The following SEC61A2 variants were observed in gnomAD, a reference collection of about 807,000 sequenced individuals.
SEC61A2 encodes SEC61 translocon subunit alpha 2, also known as protein transport protein Sec61 subunit alpha isoform 2.
A neutral mutation model predicts 59.9 loss-of-function variants in SEC61A2; 28 were observed. The ratio of observed to expected loss-of-function variants is 0.47; its 90% CI spans 0.35 to 0.64. The LOEUF (loss-of-function observed/expected upper bound fraction) is 0.64, where lower values mean the gene tolerates loss of function less well. SEC61A2 is among the 30% of genes least tolerant of loss of function. SEC61A2 has a pLI of 0.01. For missense variants in SEC61A2, 340 were observed against 585.9 expected (o/e 0.58, Z 4.33); for synonymous variants, 202 against 214.4 (o/e 0.94, Z 0.50).
At chr10:12,151,468 T>G (rs1247597403) in intron 6 of SEC61A2, among the ~76,000 whole-genome samples, 5 of 149,012 alleles carry the variant, frequency 3.4e-5, no homozygotes, top group Admixed American at 6.6e-5. Context: ...CGCGCCACCA[T>G]GCCTACCTAA....
chr10:12,161,317 A>G lies in SEC61A2; in HGVS notation c.1167+196A>G, dbSNP rs570222212. Among the ~76,000 whole-genome samples the G allele has an allele frequency of 6.6e-6, 1 of 152,254 alleles. No homozygotes were observed. The highest frequency in any genetic ancestry group is 1.9e-4 in the East Asian group (1 of 5,176). Reference sequence around the variant, plus strand: ...AAAATCGGCCGGGCACGGTGGTGCAAGCCCGTGGTCCCAGCTACTTGGGAA... The same window carrying G: ...AAAATCGGCCGGGCACGGTGGTGCAGGCCCGTGGTCCCAGCTACTTGGGAA... On this transcript the variant is annotated intron_variant, in intron 10 of 11. Transcript: ENST00000298428. This position sits in a 1 kb window ranked among gnomAD's most constrained non-coding sequence, Gnocchi z 5.4.
In SEC61A2 at chr10:12,129,837, A is replaced by C. The variant is rs1833686164; in HGVS notation, c.7+43A>C. ...GAGCGGGGACTCTGGCTGGGAACGC[A>C]GGCCCCGCCTGGGCTGCGGGCGGTG... On this transcript the variant is annotated intron_variant, in intron 1 of 11. Transcript: ENST00000298428. The surrounding 1 kb of genome is among the most constrained non-coding windows in gnomAD (Gnocchi z 5.6). 7.4e-7 allele frequency: 1 copy of C among 1,356,554 alleles called. No homozygotes were observed. Among genetic ancestry groups the C allele is most frequent in the Admixed American group, 3.6e-5 (1 of 27,984 alleles). 84.0% of individuals were successfully genotyped at this position (1,356,554 alleles called of 1,614,324 possible). A position where few individuals can be genotyped will look rare whatever the true frequency, so the allele number is the denominator to read the frequency against.
At chr10:12,135,643 C>T (rs1833866731) in intron 2 of SEC61A2, among the ~76,000 whole-genome samples, 1 of 152,198 alleles carries the variant, frequency 6.6e-6, no homozygotes, top group Non-Finnish European at 1.5e-5. Context: ...GACTCCACTT[C>T]TGTCATTCCA....
rs527465051 is a variant in SEC61A2 at position 12,154,764 on chromosome 10, A to G, written c.463-1014A>G. Among the ~76,000 whole-genome samples, 2 of 152,262 alleles carry G rather than the reference A, an allele frequency of 1.3e-5. No individual in the cohort carries two copies. The highest frequency in any genetic ancestry group is 6.5e-5 in the Admixed American group (1 of 15,280). Reference sequence around the variant, plus strand: ...CACTGTGTAAGGTAAGCATGCCTAAAATGGTCTCATGTGGTTACTTTGGTC... The same window carrying G: ...CACTGTGTAAGGTAAGCATGCCTAAGATGGTCTCATGTGGTTACTTTGGTC... On this transcript the variant is annotated intron_variant, in intron 6 of 11. Coordinates refer to ENST00000298428, the MANE Select transcript of SEC61A2 (RefSeq NM_018144.4). This position sits in a 1 kb window ranked among gnomAD's most constrained non-coding sequence, Gnocchi z 5.2.
In SEC61A2 at chr10:12,158,259, TG is replaced by T. The variant is rs1391190944; in HGVS notation, c.975+156del. On this transcript the variant is annotated intron_variant, in intron 9 of 11. Transcript: ENST00000298428. The surrounding 1 kb of genome is among the most constrained non-coding windows in gnomAD (Gnocchi z 5.7). ...GAGTTTAGTACTTATCTGGAAGAAC[TG>T]GTAAGTGTTGCAGAAGTAAGATTGC... 1.6e-6 allele frequency: 1 copy of T among 633,452 alleles called. No individual in the cohort carries two copies. The highest frequency in any genetic ancestry group is 2.6e-6 in the Non-Finnish European group (1 of 377,780). 39.2% of individuals were successfully genotyped at this position (633,452 alleles called of 1,614,324 possible). A position where few individuals can be genotyped will look rare whatever the true frequency, so the allele number is the denominator to read the frequency against.
Position 12,164,991 on chromosome 10 carries a change from T to C in SEC61A2, c.*537T>C. The stretch of plus-strand genomic sequence containing the variant: ...TCTCAAAGCAGCCACTTAGCCCACA[T>C]GGGCGAAATCAAGTCTCCAGTTATT... On this transcript the variant is annotated 3_prime_UTR_variant, in exon 12 of 12. Transcript: ENST00000298428. The surrounding 1 kb of genome is among the most constrained non-coding windows in gnomAD (Gnocchi z 7.3). 1 of 934,000 alleles carries C rather than the reference T, an allele frequency of 1.1e-6. No homozygotes were observed. Among genetic ancestry groups the C allele is most frequent in the Non-Finnish European group, 1.3e-6 (1 of 796,422 alleles). 57.9% of individuals were successfully genotyped at this position (934,000 alleles called of 1,614,324 possible).
chr10:12,160,083 G>C lies in SEC61A2; in HGVS notation c.976-847G>C, dbSNP rs1487791443. On this transcript the variant is annotated intron_variant, in intron 9 of 11. Coordinates refer to ENST00000298428, the MANE Select transcript of SEC61A2 (RefSeq NM_018144.4). This position sits in a 1 kb window ranked among gnomAD's most constrained non-coding sequence, Gnocchi z 4.1. ...AAGAGACAGGAATAAGAAGAATGCT[G>C]TTTCTGCCCTCCTTAGAATAGTCCA... Among the ~76,000 whole-genome samples the C allele has an allele frequency of 6.6e-6, 1 of 151,510 alleles. No individual in the cohort carries two copies. Among genetic ancestry groups the C allele is most frequent in the Non-Finnish European group, 1.5e-5 (1 of 68,010 alleles).
chr10:12,158,312 C>T lies in SEC61A2; in HGVS notation c.975+207C>T. 1 of 525,738 alleles carries T rather than the reference C, an allele frequency of 1.9e-6. No individual in the cohort carries two copies. The highest frequency in any genetic ancestry group is 3.3e-6 in the Non-Finnish European group (1 of 299,590). The allele number at this position is 525,738 out of a possible 1,614,324, so 32.6% of individuals were successfully genotyped here. A position where few individuals can be genotyped will look rare whatever the true frequency, so the allele number is the denominator to read the frequency against. On this transcript the variant is annotated intron_variant, in intron 9 of 11. Coordinates refer to ENST00000298428, the MANE Select transcript of SEC61A2 (RefSeq NM_018144.4). The surrounding 1 kb of genome is among the most constrained non-coding windows in gnomAD (Gnocchi z 5.7). ...CAAGCGCTTTTTATTATTTTGCTCTCTAGGAAGCACTTTCACATCTCATTT... is the reference window on the plus strand; with the variant it reads ...CAAGCGCTTTTTATTATTTTGCTCTTTAGGAAGCACTTTCACATCTCATTT...
Position 12,149,984 on chromosome 10 carries a change from A to C in SEC61A2, c.462+23A>C, listed in dbSNP as rs373340085. ...CAGGTAAGAAATCCTATATTTTCCT[A>C]TGCAGATAACAAAACAGTTTGATTC... On this transcript the variant is annotated intron_variant, in intron 6 of 11. Coordinates refer to ENST00000298428, the MANE Select transcript of SEC61A2 (RefSeq NM_018144.4). This position sits in a 1 kb window ranked among gnomAD's most constrained non-coding sequence, Gnocchi z 5.2. The C allele has an allele frequency of 6.7e-7, 1 of 1,499,724 alleles. No homozygotes were observed. The highest frequency in any genetic ancestry group is 9.3e-7 in the Non-Finnish European group (1 of 1,076,466). 92.9% of individuals were successfully genotyped at this position (1,499,724 alleles called of 1,614,324 possible).
At chr10:12,132,613 CAA>C (rs58070623) in intron 1 of SEC61A2, among the ~76,000 whole-genome samples, 55,535 of 135,316 alleles carry the variant, frequency 0.41, 11,560 homozygotes, top group South Asian at 0.56. Flanking sequence ...GACTCTGTCT[CAA>C]AAAAAAAAAA....
Position 12,143,228 on chromosome 10 carries a change from C to A in SEC61A2, c.220+33C>A. The A allele has an allele frequency of 1.4e-6, 2 of 1,421,282 alleles. No individual in the cohort carries two copies. Among genetic ancestry groups the A allele is most frequent in the Non-Finnish European group, 2.0e-6 (2 of 1,004,256 alleles). The allele number at this position is 1,421,282 out of a possible 1,614,324, so 88.0% of individuals were successfully genotyped here. ...TGTCTTTTCTGTCTCCACACTCCTA[C>A]TCACAGCAAACAGATGGAAACATGT... On this transcript the variant is annotated intron_variant, in intron 4 of 11. Coordinates refer to ENST00000298428, the MANE Select transcript of SEC61A2 (RefSeq NM_018144.4). This position sits in a 1 kb window ranked among gnomAD's most constrained non-coding sequence, Gnocchi z 4.8.
Position 12,135,999 on chromosome 10 carries a change from A to G in SEC61A2, c.76-106A>G, listed in dbSNP as rs564840739. On this transcript the variant is annotated intron_variant, in intron 2 of 11. Coordinates refer to ENST00000298428, the MANE Select transcript of SEC61A2 (RefSeq NM_018144.4). ...TTATAACACATAACGGACATTCCCA[A>G]TTTCTGTGAATTAGGCCCCAAAGAA... 120 of 754,796 alleles carry G rather than the reference A, an allele frequency of 1.6e-4. 4 individuals are homozygous for G. The Middle Eastern group carries it at 0.015, about 94-fold the overall frequency. The allele number at this position is 754,796 out of a possible 1,614,324, so 46.8% of individuals were successfully genotyped here.
chr10:12,149,589 T>C lies in SEC61A2; in HGVS notation c.221-6T>C. On this transcript the variant is annotated splice_region_variant and splice_polypyrimidine_tract_variant and intron_variant, in intron 4 of 11. Transcript: ENST00000298428. This position sits in a 1 kb window ranked among gnomAD's most constrained non-coding sequence, Gnocchi z 5.2. The stretch of plus-strand genomic sequence containing the variant: ...CATTGCACACTTCTCTCCCCTTCCT[T>C]TCCAGGAACTTTAATGGAATTGGGT... 6.2e-7 allele frequency: 1 copy of C among 1,600,348 alleles called. No homozygotes were observed. Among genetic ancestry groups the C allele is most frequent in the Non-Finnish European group, 8.5e-7 (1 of 1,174,742 alleles).
chr10:12,142,622 A>G lies in SEC61A2; in HGVS notation c.142-495A>G, dbSNP rs575051570. 1 of 487,478 alleles carries G rather than the reference A, an allele frequency of 2.1e-6. No homozygotes were observed. The highest frequency in any genetic ancestry group is 2.1e-5 in the African/African-American group (1 of 47,672). 30.2% of individuals were successfully genotyped at this position (487,478 alleles called of 1,614,324 possible). On this transcript the variant is annotated intron_variant, in intron 3 of 11. Transcript: ENST00000298428. The surrounding 1 kb of genome is among the most constrained non-coding windows in gnomAD (Gnocchi z 5.4). ...GTTTTTTAAATTGTGGTAAAAGTAT[A>G]GAAAATATGCCATCTTCATCATTTT...
downstream of SEC61A2, among the ~76,000 whole-genome samples, chr10:12,169,073 T>C (rs190249131): frequency 8.5e-5 from 13 of 152,288 alleles, no homozygotes; most frequent in African/African-American, 2.9e-4. This position sits in a 1 kb window ranked among gnomAD's most constrained non-coding sequence, Gnocchi z 4.8. Context: ...AGCAAACTGA[T>C]CTTAAAATGT....
rs1242888446 is a variant in SEC61A2, at chr10:12,158,820, C to T, written c.975+715C>T. 5.9e-5 allele frequency among the ~76,000 whole-genome samples: 9 copies of T among 152,178 alleles called. No individual in the cohort carries two copies. The highest frequency in any genetic ancestry group is 1.2e-4 in the Non-Finnish European group (8 of 68,038). The stretch of plus-strand genomic sequence containing the variant: ...CCTTTCCTATCTCCCACCCTGCCTC[C>T]AGGCCTCCTCCATTTTTCATGGTCT... On this transcript the variant is annotated intron_variant, in intron 9 of 11. Transcript: ENST00000298428. The surrounding 1 kb of genome is among the most constrained non-coding windows in gnomAD (Gnocchi z 5.7).
At chr10:12,136,043 G>T (rs561557003) in intron 2 of SEC61A2, 62 bp from the exon 3 acceptor site, 3 of 1,044,046 alleles carry the variant, frequency 2.9e-6, no homozygotes, top group African/African-American at 3.1e-5. Context: ...AAACTCTGCT[G>T]CCCCCCAAAA....
At chr10:12,144,440 A>T (rs995042831) in intron 4 of SEC61A2, among the ~76,000 whole-genome samples, 8 of 152,228 alleles carry the variant, frequency 5.3e-5, no homozygotes, top group African/African-American at 1.9e-4. Context: ...CCATGTTATT[A>T]TTCCATTATA....
intron 2 of SEC61A2, among the ~76,000 whole-genome samples, chr10:12,135,626 C>T (rs1268010090): frequency 6.6e-6 from 1 of 152,180 alleles, no homozygotes; most frequent in Non-Finnish European, 1.5e-5. Context: ...CCCCTGTACC[C>T]TTCGGAGACT....
Sources: allele counts gnomAD v4.1 joint callset (sites outside exome capture counted in the v4.1 genomes callset), GRCh38; gene constraint gnomAD v4.1.1; non-coding constraint Gnocchi (gnomAD v3.1); transcripts MANE v1.5; gene names NCBI Gene and HGNC (gene_info 2026-07-23, HGNC 2026-07-21).